Variants in TEC observed in about 807,000 individuals in gnomAD.
TEC encodes tyrosine-protein kinase Tec.
In TEC, 72 loss-of-function variants were observed where a neutral mutation model predicts 93.0. The observed-to-expected ratio is 0.77, with a 90% CI of 0.64 to 0.94. The LOEUF is 0.94. Among genes scored for constraint, TEC ranks in the 40% least tolerant of loss-of-function variants. The pLI, the probability that TEC is intolerant of heterozygous loss-of-function variation, is 0.00. For synonymous variants in TEC, 249 were observed against 247.7 expected (o/e 1.01, Z -0.05); for missense variants, 630 against 757.9 (o/e 0.83, Z 1.98).
At chr4:48,184,478 T>C (rs201318396) in intron 2 of TEC, among the ~76,000 whole-genome samples, 5 of 152,216 alleles carry the variant, frequency 3.3e-5, no homozygotes, top group East Asian at 1.9e-4. Flanking sequence ...TTGGCTGGAA[T>C]TGAATCTCTC....
intron 2 of TEC, among the ~76,000 whole-genome samples, chr4:48,193,296 C>T (rs548333390): frequency 5.9e-5 from 9 of 152,044 alleles, no homozygotes; most frequent in South Asian, 4.2e-4. Context: ...ACGCCGTTTT[C>T]GAGAAGAGTT....
chr4:48,164,143 A>G (rs563175850), intron 7 of TEC, among the ~76,000 whole-genome samples: 1 of 152,362 alleles, frequency 6.6e-6, no homozygotes, highest in South Asian at 2.1e-4. Flanking sequence ...ATACTTCTCC[A>G]GAATTCACAG....
At chr4:48,187,582 C>G (rs1721933798) in intron 2 of TEC, among the ~76,000 whole-genome samples, 1 of 152,126 alleles carries the variant, frequency 6.6e-6, no homozygotes, top group Non-Finnish European at 1.5e-5. Context: ...TTTTCTCCCC[C>G]TAAGTGATCT....
At chr4:48,146,771 A>G (rs1223692993) in intron 11 of TEC, among the ~76,000 whole-genome samples, 1 of 152,190 alleles carries the variant, frequency 6.6e-6, no homozygotes, top group African/African-American at 2.4e-5. Context: ...CTTAGCATAC[A>G]AATCGGGCTC....
chr4:48,167,992 A>C (rs1219748361), intron 6 of TEC, 39 bp from the exon 7 acceptor site: 1 of 1,586,552 alleles, frequency 6.3e-7, no homozygotes, highest in Non-Finnish European at 8.6e-7. Flanking sequence ...TTAGTCTTCT[A>C]TATGAAACTG....
intron 1 of TEC, among the ~76,000 whole-genome samples, chr4:48,253,070 C>T (rs1338512447): frequency 1.3e-5 from 2 of 152,162 alleles, no homozygotes; most frequent in Non-Finnish European, 2.9e-5. Context: ...CTCTATTTCC[C>T]CTGAACCTCG....
At chr4:48,158,013 T>C (rs576439005) in intron 8 of TEC, among the ~76,000 whole-genome samples, 2 of 152,360 alleles carry the variant, frequency 1.3e-5, no homozygotes, top group Non-Finnish European at 2.9e-5. Flanking sequence ...TCCTTACTTG[T>C]TGGCAAAGAA....
At chr4:48,168,461 T>C (rs1577717039) in intron 6 of TEC, 125 bp downstream of exon 6, 1 of 993,326 alleles carries the variant, frequency 1.0e-6, no homozygotes, top group African/African-American at 1.7e-5. Flanking sequence ...GAGACGATCC[T>C]AGGGAAAAAT....
At chr4:48,236,584 A>C (rs987471395) in intron 1 of TEC, among the ~76,000 whole-genome samples, 2 of 152,158 alleles carry the variant, frequency 1.3e-5, no homozygotes, top group African/African-American at 4.8e-5. Flanking sequence ...GCCGGGCCAC[A>C]AACATCTTTT....
chr4:48,239,081 T>A (rs1398057590), intron 1 of TEC, among the ~76,000 whole-genome samples: 1 of 152,328 alleles, frequency 6.6e-6, no homozygotes, highest in Admixed American at 6.5e-5. Context: ...ACATTTATTC[T>A]ATGGAACAGG....
intron 3 of TEC, among the ~76,000 whole-genome samples, chr4:48,173,527 T>C (rs1248289776): frequency 2.0e-5 from 3 of 152,158 alleles, no homozygotes; most frequent in Non-Finnish European, 4.4e-5. Flanking sequence ...GGGAGCTGTG[T>C]TTCTCTCTGC....
At chr4:48,206,234 T>A (rs1279024901) in intron 2 of TEC, among the ~76,000 whole-genome samples, 10 of 152,152 alleles carry the variant, frequency 6.6e-5, no homozygotes, top group African/African-American at 2.4e-4. Context: ...GATGAAAAAG[T>A]TATGGAACTA....
At chr4:48,243,967 T>TAAA (rs11386785) in intron 1 of TEC, among the ~76,000 whole-genome samples, 30 of 132,640 alleles carry the variant, frequency 2.3e-4, no homozygotes, top group African/African-American at 4.7e-4. Flanking sequence ...AAAGTATAAT[T>TAAA]AAAAAAAAAA....
At chr4:48,215,135 G>A (rs1440482413) in intron 2 of TEC, among the ~76,000 whole-genome samples, 5 of 151,984 alleles carry the variant, frequency 3.3e-5, no homozygotes, top group Non-Finnish European at 7.4e-5. Context: ...CCTGGGCTAC[G>A]AAGCAAGACT....
At chr4:48,230,569 C>T (rs1019068539) in intron 1 of TEC, among the ~76,000 whole-genome samples, 6 of 152,188 alleles carry the variant, frequency 3.9e-5, no homozygotes, top group Admixed American at 3.9e-4. Context: ...TTTATTCAAA[C>T]TGCCTATCCA....
rs537457518 is a variant in TEC, at chr4:48,269,771, T to C, written c.-65A>G. ...CCTTACCTGGCTGAAGCGCGGCTGC[T>C]GGGCGGACCTGGGGAGACTGCGAGG... On this transcript the variant is annotated 5_prime_UTR_variant, in exon 1 of 18. Coordinates refer to ENST00000381501, the MANE Select transcript of TEC (RefSeq NM_003215.3). The C allele has an allele frequency of 5.9e-5, 9 of 152,158 alleles. No individual in the cohort carries two copies. The highest frequency in any genetic ancestry group is 1.9e-4 in the African/African-American group (8 of 41,416). The allele number at this position is 152,158 out of a possible 1,614,324, so 9.4% of individuals were successfully genotyped here. A position where few individuals can be genotyped will look rare whatever the true frequency, so the allele number is the denominator to read the frequency against.
At chr4:48,160,907 A>G (rs1022687899) in intron 8 of TEC, among the ~76,000 whole-genome samples, 3 of 150,986 alleles carry the variant, frequency 2.0e-5, no homozygotes, top group African/African-American at 7.3e-5. Context: ...AGGGATTTAA[A>G]AAAAAAAAGC....
chr4:48,206,966 A>AAAAC (rs1353500487), intron 2 of TEC, among the ~76,000 whole-genome samples: 4 of 152,096 alleles, frequency 2.6e-5, no homozygotes, highest in Non-Finnish European at 5.9e-5. Flanking sequence ...CTCAAAAACA[A>AAAAC]AAACAAACAA....
At chr4:48,154,092 T>G (rs532183154) in intron 9 of TEC, among the ~76,000 whole-genome samples, 1 of 152,242 alleles carries the variant, frequency 6.6e-6, no homozygotes, top group Non-Finnish European at 1.5e-5. Flanking sequence ...AAATGAAAAC[T>G]ATCTGAAAGC....
Sources: allele counts gnomAD v4.1 joint callset (sites outside exome capture counted in the v4.1 genomes callset), GRCh38; gene constraint gnomAD v4.1.1; transcripts MANE v1.5; gene names NCBI Gene and HGNC (gene_info 2026-07-23, HGNC 2026-07-21).